Variants in NELL1 observed in about 807,000 individuals in gnomAD.
NELL1 encodes neural EGFL like 1.
In NELL1, 76 loss-of-function variants were observed where a neutral mutation model predicts 107.4. That is an observed-to-expected ratio of 0.71 (90% CI 0.59 to 0.86). NELL1 has a LOEUF of 0.86. Ranked by LOEUF, NELL1 falls within the 40% of genes least tolerant of loss-of-function variation. The pLI is 0.00. For synonymous variants in NELL1, 353 were observed against 341.2 expected, an observed-to-expected ratio of 1.03 and a Z score of -0.38; for missense variants, 1,024 against 1,005.5, an observed-to-expected ratio of 1.02 and a Z score of -0.25.
At chr11:21,106,145 A>G (rs1317205023) in intron 12 of NELL1, among the ~76,000 whole-genome samples, 1 of 151,822 alleles carries the variant, frequency 6.6e-6, no homozygotes, top group Non-Finnish European at 1.5e-5. Context: ...AATAATGCTA[A>G]GATTTTCACC....
chr11:21,366,379 C>T (rs917255299), intron 14 of NELL1, among the ~76,000 whole-genome samples: 39 of 152,098 alleles, frequency 2.6e-4, no homozygotes, highest in African/African-American at 8.9e-4. Context: ...ATTTCCTTCC[C>T]ATTTTGGATT....
intron 14 of NELL1, among the ~76,000 whole-genome samples, chr11:21,348,347 C>T (rs1479847430): frequency 6.6e-6 from 1 of 152,108 alleles, no homozygotes; most frequent in Admixed American, 6.5e-5. Context: ...TATTCACTTA[C>T]TTATGTGTAC....
chr11:21,445,916 CT>C (rs536332388), intron 15 of NELL1, among the ~76,000 whole-genome samples: 80 of 151,828 alleles, frequency 5.3e-4, no homozygotes, highest in Non-Finnish European at 1.0e-3. Context: ...CTGTTATTAT[CT>C]CTTTGAATAA....
At chr11:20,930,804 GTT>G (rs35261027) in intron 9 of NELL1, among the ~76,000 whole-genome samples, 109 of 131,174 alleles carry the variant, frequency 8.3e-4, no homozygotes, top group African/African-American at 2.8e-3. Flanking sequence ...TAAAACATCA[GTT>G]TTTTTTTTTT....
At chr11:20,789,162 G>A (rs1857025964) in intron 3 of NELL1, among the ~76,000 whole-genome samples, 1 of 152,172 alleles carries the variant, frequency 6.6e-6, no homozygotes, top group South Asian at 2.1e-4. Context: ...GGCCCACTGG[G>A]CTCGTTCTAC....
At chr11:20,699,120 G>A (rs1370663988) in intron 2 of NELL1, among the ~76,000 whole-genome samples, 1 of 151,514 alleles carries the variant, frequency 6.6e-6, no homozygotes, top group Non-Finnish European at 1.5e-5. Flanking sequence ...GGGAGGTTGA[G>A]GCAGGAGAAT....
chr11:21,447,370 G>A (rs1325229856), intron 15 of NELL1, among the ~76,000 whole-genome samples: 2 of 152,128 alleles, frequency 1.3e-5, no homozygotes, highest in Admixed American at 6.5e-5. Context: ...CTATAGCTGT[G>A]TATGTGCTGA....
Position 20,691,926 on chromosome 11 carries a change from G to T in NELL1, c.184+13866G>T, listed in dbSNP as rs995717842. 4.6e-5 allele frequency among the ~76,000 whole-genome samples: 7 copies of T among 152,162 alleles called. 1 individual carries two copies. In the South Asian group the frequency reaches 8.3e-4, roughly 18 times the overall value. ...ATCCATCGGGTCCTGGACTCTTTTT[G>T]GTTGGTAAGGTATTGATTATTGCCA... On this transcript the variant is annotated intron_variant, in intron 2 of 19. Transcript: ENST00000357134.
rs566198177 is a variant in NELL1, at chr11:20,830,848, G to A, written c.336-16735G>A. 1.6e-4 allele frequency among the ~76,000 whole-genome samples: 24 copies of A among 152,118 alleles called. 1 individual carries two copies. The South Asian group carries it at 5.0e-3, about 32-fold the overall frequency. On this transcript the variant is annotated intron_variant, in intron 3 of 19. Coordinates refer to ENST00000357134, the MANE Select transcript of NELL1 (RefSeq NM_006157.5). ...GCGAGAACTCACTACTATGTGAAAG[G>A]CACCCATTCATTTATGAGAGATACA...
intron 15 of NELL1, among the ~76,000 whole-genome samples, chr11:21,381,904 A>ATTTTTTTT (rs149327802): frequency 2.0e-4 from 18 of 91,374 alleles, no homozygotes; most frequent in African/African-American, 7.6e-4. Flanking sequence ...CCTGGAAGGG[A>ATTTTTTTT]TTTTTTTTTT....
intron 10 of NELL1, among the ~76,000 whole-genome samples, chr11:20,943,454 A>G (rs1359594956): frequency 1.3e-5 from 2 of 152,036 alleles, no homozygotes; most frequent in South Asian, 4.2e-4. Flanking sequence ...ATGGTGGCAC[A>G]TGCCTGTAAT....
At chr11:21,525,735 A>T (rs1279767365) in intron 15 of NELL1, among the ~76,000 whole-genome samples, 1 of 152,202 alleles carries the variant, frequency 6.6e-6, no homozygotes, top group Non-Finnish European at 1.5e-5. Flanking sequence ...CAAGTCTCAC[A>T]TGGTGGAGAG....
intron 15 of NELL1, among the ~76,000 whole-genome samples, chr11:21,508,333 A>G (rs139079900): frequency 2.6e-5 from 4 of 152,320 alleles, no homozygotes; most frequent in Admixed American, 2.6e-4. Context: ...AATATTGTGT[A>G]GATACACAAC....
chr11:21,237,729 C>A (rs189834371), intron 14 of NELL1, among the ~76,000 whole-genome samples: 24 of 152,156 alleles, frequency 1.6e-4, no homozygotes, highest in African/African-American at 5.3e-4. Flanking sequence ...CATTTAAAAT[C>A]ATCAATCTTT....
At chr11:21,152,360 A>T (rs1448414322) in intron 13 of NELL1, among the ~76,000 whole-genome samples, 1 of 152,154 alleles carries the variant, frequency 6.6e-6, no homozygotes, top group East Asian at 1.9e-4. Context: ...TTTGCTTGAC[A>T]TTGATTAAAG....
intron 2 of NELL1, among the ~76,000 whole-genome samples, chr11:20,755,189 C>G (rs1440144666): frequency 6.6e-6 from 1 of 152,130 alleles, no homozygotes; most frequent in African/African-American, 2.4e-5. Flanking sequence ...TAGAGGGCTG[C>G]TCTCACCTGA....
chr11:21,506,768 T>C (rs545114006), intron 15 of NELL1, among the ~76,000 whole-genome samples: 2 of 152,294 alleles, frequency 1.3e-5, no homozygotes, highest in Non-Finnish European at 2.9e-5. Flanking sequence ...TCTCCTTTAT[T>C]GCCTAGCATG....
At chr11:21,303,928 G>A (rs967464991) in intron 14 of NELL1, among the ~76,000 whole-genome samples, 3 of 151,922 alleles carry the variant, frequency 2.0e-5, no homozygotes, top group Non-Finnish European at 2.9e-5. Flanking sequence ...GTCCTCACAT[G>A]GTGGAAGGCA....
chr11:20,726,883 G>T (rs1240945967), intron 2 of NELL1, among the ~76,000 whole-genome samples: 1 of 152,058 alleles, frequency 6.6e-6, no homozygotes, highest in Non-Finnish European at 1.5e-5. Flanking sequence ...TGCTTAGAAT[G>T]ATGGTTTCCA....
Sources: allele counts gnomAD v4.1 joint callset (sites outside exome capture counted in the v4.1 genomes callset), GRCh38; gene constraint gnomAD v4.1.1; transcripts MANE v1.5; gene names NCBI Gene and HGNC (gene_info 2026-07-23, HGNC 2026-07-21).